TRIM36: variants seen among roughly 807,000 people sequenced by gnomAD.
TRIM36 encodes the protein tripartite motif containing 36, also known as E3 ubiquitin-protein ligase TRIM36.
TRIM36 carries 42 observed loss-of-function variants against 72.4 expected under a neutral mutation model. That is an observed-to-expected ratio of 0.58 (90% CI 0.45 to 0.75). The LOEUF (loss-of-function observed/expected upper bound fraction) is 0.75. Ranked by LOEUF, TRIM36 falls within the 30% of genes least tolerant of loss-of-function variation. The probability of loss-of-function intolerance (pLI) is 0.00; values close to 1 mark genes in which losing one functional copy is unlikely to be tolerated. For missense variants in TRIM36, 913 were observed against 857.1 expected, an observed-to-expected ratio of 1.07 and a Z score of -0.81; for synonymous variants, 315 against 282.8, an observed-to-expected ratio of 1.11 and a Z score of -1.14.
chr5:115,159,829 G>A (rs1290981968), intron 2 of TRIM36, among the ~76,000 whole-genome samples: 1 of 152,090 alleles, frequency 6.6e-6, no homozygotes, highest in African/African-American at 2.4e-5. Context: ...TAGTATTTAT[G>A]AAGCCAGGAG....
At chr5:115,160,703 C>T (rs749807032) in intron 2 of TRIM36, among the ~76,000 whole-genome samples, 11 of 152,004 alleles carry the variant, frequency 7.2e-5, no homozygotes, top group South Asian at 2.1e-4. Context: ...TAGCAGGGTG[C>T]GAGTGAGTAG....
intron 2 of TRIM36, among the ~76,000 whole-genome samples, 180 bp downstream of exon 2, chr5:115,163,338 G>A (rs768011579): frequency 6.6e-5 from 10 of 152,166 alleles, no homozygotes; most frequent in Non-Finnish European, 1.2e-4. Flanking sequence ...ATCAAAAGAC[G>A]AGAGTTCATT....
At chr5:115,164,016 T>C (rs1268853054) in intron 1 of TRIM36, among the ~76,000 whole-genome samples, 1 of 152,190 alleles carries the variant, frequency 6.6e-6, no homozygotes, top group Non-Finnish European at 1.5e-5. Flanking sequence ...CCATGATATT[T>C]TATCAAAAAT....
At chr5:115,136,879 G>T in intron 7 of TRIM36, 121 bp downstream of exon 7, 1 of 908,402 alleles carries the variant, frequency 1.1e-6, no homozygotes. Context: ...AGGATGCTGT[G>T]ATAGTCCTGG....
At chr5:115,128,025 T>C (rs1238761403) in intron 9 of TRIM36, among the ~76,000 whole-genome samples, 1 of 148,026 alleles carries the variant, frequency 6.8e-6, no homozygotes, top group African/African-American at 2.5e-5. Flanking sequence ...ACAAAAATGC[T>C]TAAAATGTTA....
At chr5:115,132,419 G>C (rs983465833) in intron 8 of TRIM36, among the ~76,000 whole-genome samples, 1 of 151,676 alleles carries the variant, frequency 6.6e-6, no homozygotes, top group African/African-American at 2.4e-5. Context: ...TGTAATCCCA[G>C]CTACTACTCA....
chr5:115,177,030 C>G (rs926657055), intron 1 of TRIM36: 8 of 152,138 alleles, frequency 5.3e-5, no homozygotes, highest in East Asian at 1.9e-4. Context: ...TAAGCTGATC[C>G]AGTTTGTCCT....
At position 115,144,661 on chromosome 5, in the gene TRIM36, C is replaced by A; in HGVS notation, c.672G>T (p.Lys224Asn). Residue 224 changes from lysine (K) to asparagine (N), a missense_variant, in exon 4 of 10, where the codon AAG becomes AAT. By Grantham distance (94) the Lys-to-Asn change is moderately conservative. Transcript: ENST00000513154. The part of the protein sequence containing the change: ...LCRRPVCHLC[K>N]LGGNHANHRV... ...GGTGGTTGGCATGATTACCACCCAA[C>A]TTACACAGATGGCAAACTGGCCTCC... 1 of 1,614,158 alleles carries A rather than the reference C, an allele frequency of 6.2e-7. No individual in the cohort carries two copies. The highest frequency in any genetic ancestry group is 8.5e-7 in the Non-Finnish European group (1 of 1,180,020).
intron 4 of TRIM36, among the ~76,000 whole-genome samples, chr5:115,143,932 G>A (rs1399860516): frequency 1.3e-5 from 2 of 151,970 alleles, no homozygotes; most frequent in East Asian, 1.9e-4. Context: ...GTGCAGTGGC[G>A]CGATCTCAGC....
Position 115,169,812 on chromosome 5 carries a change from C to CA in TRIM36, c.-179dup, listed in dbSNP as rs1445703209. ...GCGGGGAGAAGTAAGCCGGGGCAGG[C>CA]AAAAGCACAGGCGCGGGAGAAGCGA... On this transcript the variant is annotated 5_prime_UTR_variant, in exon 1 of 10. Transcript: ENST00000513154. 5.2e-5 allele frequency: 69 copies of CA among 1,317,690 alleles called. No individual in the cohort carries two copies. Among genetic ancestry groups the CA allele is most frequent in the Admixed American group, 5.2e-4 (15 of 28,788 alleles). 81.6% of individuals were successfully genotyped at this position (1,317,690 alleles called of 1,614,324 possible).
At chr5:115,151,529 G>T (rs1310689763) in intron 2 of TRIM36, among the ~76,000 whole-genome samples, 1 of 152,182 alleles carries the variant, frequency 6.6e-6, no homozygotes, top group Admixed American at 6.5e-5. Context: ...TACCACCACA[G>T]TTGATGCTCT....
At chr5:115,128,758 C>CAAAAAAAAAAAAAAAAAAAAAAA (rs58384978) in intron 9 of TRIM36, among the ~76,000 whole-genome samples, 6 of 47,014 alleles carry the variant, frequency 1.3e-4, no homozygotes, top group Admixed American at 2.7e-4. Flanking sequence ...GACTCCGTCT[C>CAAAAAAAAAAAAAAAAAAAAAAA]AAAAAAAAAA....
upstream of TRIM36, among the ~76,000 whole-genome samples, chr5:115,170,255 C>G (rs1006573185): frequency 6.6e-6 from 1 of 151,842 alleles, no homozygotes; most frequent in Non-Finnish European, 1.5e-5. Context: ...GGCGCCGGGG[C>G]GGGGAGGCTC....
At chr5:115,143,370 G>A (rs1279442267) in intron 4 of TRIM36, among the ~76,000 whole-genome samples, 2 of 151,412 alleles carry the variant, frequency 1.3e-5, no homozygotes, top group African/African-American at 4.9e-5. Flanking sequence ...AGACCCAAAC[G>A]TTTCCAAGCA....
intron 4 of TRIM36, among the ~76,000 whole-genome samples, chr5:115,143,369 C>T (rs192441614): frequency 3.3e-5 from 5 of 151,472 alleles, no homozygotes; most frequent in South Asian, 2.1e-4. Flanking sequence ...AAGACCCAAA[C>T]GTTTCCAAGC....
chr5:115,128,746 G>A (rs1239824731), intron 9 of TRIM36, among the ~76,000 whole-genome samples: 103 of 52,862 alleles, frequency 1.9e-3, no homozygotes, highest in African/African-American at 4.3e-3. Flanking sequence ...GCGACAGAGC[G>A]AGACTCCGTC....
intron 1 of TRIM36, among the ~76,000 whole-genome samples, chr5:115,165,835 T>C (rs988607129): frequency 1.3e-5 from 2 of 152,042 alleles, no homozygotes; most frequent in South Asian, 2.1e-4. Flanking sequence ...AAGTGCCTGC[T>C]CCTACTGCTT....
intron 3 of TRIM36, among the ~76,000 whole-genome samples, chr5:115,145,014 A>G (rs1258921690): frequency 6.6e-6 from 1 of 152,154 alleles, no homozygotes; most frequent in Non-Finnish European, 1.5e-5. Flanking sequence ...TAATATATAG[A>G]TGTTATTTCT....
rs748229480 is a variant in TRIM36 at position 115,133,936 on chromosome 5, G to A, written c.1422C>T (p.Phe474=). 1.2e-6 allele frequency: 2 copies of A among 1,613,496 alleles called. No individual in the cohort carries two copies. The highest frequency in any genetic ancestry group is 2.7e-5 in the African/African-American group (2 of 75,018). ...QDLENSSTYA[F]RVRAYKGSIC... Reference sequence around the variant, plus strand: ...TTGAACCCTTGTAAGCTCTTACTCTGAAAGCATAGGTACTACTGTTTTCCA... The same window carrying A: ...TTGAACCCTTGTAAGCTCTTACTCTAAAAGCATAGGTACTACTGTTTTCCA... The change falls in exon 8 of 10, where the codon TTC becomes TTT. Residue 474 remains phenylalanine (F), a synonymous_variant. Transcript: ENST00000513154.
Sources: gnomAD v4.1 joint callset for allele counts (sites outside exome capture counted in the v4.1 genomes callset) on GRCh38, gnomAD v4.1.1 for gene constraint, MANE v1.5 for transcripts, NCBI Gene and HGNC (gene_info 2026-07-23, HGNC 2026-07-21) for gene names.